GOLPH3L: variants seen among roughly 807,000 people sequenced by gnomAD.
GOLPH3L encodes Golgi phosphoprotein 3-like.
In GOLPH3L, 22 loss-of-function variants were observed where a neutral mutation model predicts 30.3. That is an observed-to-expected ratio of 0.73 (90% CI 0.52 to 1.04). The LOEUF (loss-of-function observed/expected upper bound fraction) is 1.04. Among genes scored for constraint, GOLPH3L ranks in the 50% least tolerant of loss-of-function variants. The pLI, the probability that GOLPH3L is intolerant of heterozygous loss-of-function variation, is 0.00. For synonymous variants in GOLPH3L, 120 were observed against 128.2 expected (o/e 0.94, Z 0.43); for missense variants, 303 against 345.8 (o/e 0.88, Z 0.98).
chr1:150,683,618 A>G (rs1651013366), intron 2 of GOLPH3L, among the ~76,000 whole-genome samples: 1 of 140,438 alleles, frequency 7.1e-6, no homozygotes, highest in African/African-American at 2.6e-5. Flanking sequence ...TACCAGAAGT[A>G]CTTGAACCCA....
At chr1:150,676,878 AG>A (rs1650792613) in intron 2 of GOLPH3L, among the ~76,000 whole-genome samples, 1 of 152,000 alleles carries the variant, frequency 6.6e-6, no homozygotes, top group Non-Finnish European at 1.5e-5. Context: ...TCCTGACCTC[AG>A]GTGATCCACC....
intron 2 of GOLPH3L, among the ~76,000 whole-genome samples, chr1:150,693,838 TATA>T (rs1651272095): frequency 1.1e-5 from 1 of 87,370 alleles, no homozygotes; most frequent in Non-Finnish European, 2.2e-5. Flanking sequence ...TATATATATA[TATA>T]TATATATTTT....
intron 2 of GOLPH3L, among the ~76,000 whole-genome samples, chr1:150,675,345 T>A (rs1014409306): frequency 4.0e-5 from 6 of 151,624 alleles, no homozygotes; most frequent in Non-Finnish European, 2.9e-5. Context: ...AACAAAAAAA[T>A]TCATAAAAAA....
At chr1:150,678,587 T>A (rs587647983) in intron 2 of GOLPH3L, among the ~76,000 whole-genome samples, 2 of 152,316 alleles carry the variant, frequency 1.3e-5, no homozygotes, top group African/African-American at 4.8e-5. Context: ...CAGAGAGAGC[T>A]GATGCTGGTT....
intron 2 of GOLPH3L, among the ~76,000 whole-genome samples, chr1:150,675,936 T>A (rs926346220): frequency 9.2e-5 from 14 of 151,568 alleles, no homozygotes; most frequent in African/African-American, 3.1e-4. Flanking sequence ...AATTTTTTTT[T>A]AACATTTTTG....
intron 2 of GOLPH3L, chr1:150,694,095 G>C (rs1651288281): frequency 2.4e-6 from 1 of 420,098 alleles, no homozygotes; most frequent in African/African-American, 2.1e-5. Context: ...CTGGCCTCAA[G>C]TGATTCACTC....
Position 150,648,378 on chromosome 1 carries a change from T to A in GOLPH3L, c.801A>T (p.Thr267=). Residue 267 remains threonine, a synonymous_variant, in exon 5 of 5, where the codon ACA becomes ACT. Coordinates refer to ENST00000271732, the MANE Select transcript of GOLPH3L (RefSeq NM_018178.6). ...LVELDPEVEG[T]KPSATEMIWA... ...AGATCATTTCTGTGGCACTAGGCTT[T>A]GTCCCTTCCACTTCAGGGTCCAGTT... is the stretch of plus-strand genomic sequence containing the variant. 1 of 1,614,038 alleles carries A rather than the reference T, an allele frequency of 6.2e-7. No homozygotes were observed. The highest frequency in any genetic ancestry group is 8.5e-7 in the Non-Finnish European group (1 of 1,179,908).
At chr1:150,670,178 C>T (rs918797263) in intron 2 of GOLPH3L, among the ~76,000 whole-genome samples, 2 of 152,010 alleles carry the variant, frequency 1.3e-5, no homozygotes, top group Non-Finnish European at 2.9e-5. Flanking sequence ...AGAAGAATTG[C>T]TTGAACCCCA....
At chr1:150,681,974 G>A (rs1386141954) in intron 2 of GOLPH3L, among the ~76,000 whole-genome samples, 3 of 151,978 alleles carry the variant, frequency 2.0e-5, no homozygotes, top group Non-Finnish European at 4.4e-5. Context: ...ACTGAGGCAT[G>A]AGAATTGCTT....
chr1:150,657,245 C>A (rs935586480), intron 4 of GOLPH3L, among the ~76,000 whole-genome samples: 2 of 152,192 alleles, frequency 1.3e-5, no homozygotes, highest in Non-Finnish European at 2.9e-5. Flanking sequence ...AACCTCTTCC[C>A]GGACATTTAA....
intron 2 of GOLPH3L, among the ~76,000 whole-genome samples, chr1:150,693,839 A>G (rs1363806832): frequency 1.0e-4 from 7 of 70,036 alleles, no homozygotes; most frequent in South Asian, 4.2e-4. Flanking sequence ...ATATATATAT[A>G]TATATATATT....
intron 4 of GOLPH3L, among the ~76,000 whole-genome samples, chr1:150,654,372 G>A (rs1650193018): frequency 6.6e-6 from 1 of 151,712 alleles, no homozygotes; most frequent in Non-Finnish European, 1.5e-5. Context: ...CTAGTGTGGT[G>A]GTGGGAGCCT....
At chr1:150,657,635 G>A (rs587702544) in intron 4 of GOLPH3L, among the ~76,000 whole-genome samples, 8 of 152,310 alleles carry the variant, frequency 5.3e-5, no homozygotes, top group African/African-American at 1.7e-4. Context: ...TTGTGGTGAT[G>A]AGCATTCCAG....
Position 150,648,696 on chromosome 1 carries a change from C to T in GOLPH3L, c.483G>A (p.Glu161=), listed in dbSNP as rs1405292486. 1.6e-5 allele frequency: 26 copies of T among 1,612,864 alleles called. No homozygotes were observed. Among genetic ancestry groups the T allele is most frequent in the Non-Finnish European group, 2.1e-5 (25 of 1,178,910 alleles). The change falls in exon 5 of 5, where the codon GAG becomes GAA. Residue 161 remains glutamate, a synonymous_variant. Coordinates refer to ENST00000271732, the MANE Select transcript of GOLPH3L (RefSeq NM_018178.6). Reference sequence around the variant, plus strand: ...TCTCTACTAGGTTCTTTGCGATGCGCTCTCGTACATTTCTCAGCTGGTACT... The same window carrying T: ...TCTCTACTAGGTTCTTTGCGATGCGTTCTCGTACATTTCTCAGCTGGTACT... ...KLQYQLRNVR[E]RIAKNLVEKG...
At chr1:150,690,593 A>G (rs1260159100) in intron 2 of GOLPH3L, among the ~76,000 whole-genome samples, 1 of 152,158 alleles carries the variant, frequency 6.6e-6, no homozygotes, top group Non-Finnish European at 1.5e-5. Context: ...CTGCCTGGTA[A>G]CAAAATCTAT....
chr1:150,688,229 T>C (rs1651136971), intron 2 of GOLPH3L, among the ~76,000 whole-genome samples: 1 of 152,254 alleles, frequency 6.6e-6, no homozygotes, highest in Admixed American at 6.5e-5. Flanking sequence ...GGATACACTG[T>C]ATTTCACAAT....
chr1:150,677,382 G>GGCTAAGTTTTTGTCACCGTGCTAAGT, intron 2 of GOLPH3L, among the ~76,000 whole-genome samples: 1 of 151,862 alleles, frequency 6.6e-6, no homozygotes, highest in African/African-American at 2.4e-5. Context: ...GATTACAGGC[G>GGCTAAGTTTTTGTCACCGTGCTAAGT]TATGTCACCG....
At chr1:150,659,006 G>A (rs1275434622) in intron 4 of GOLPH3L, among the ~76,000 whole-genome samples, 1 of 152,184 alleles carries the variant, frequency 6.6e-6, no homozygotes, top group Non-Finnish European at 1.5e-5. Flanking sequence ...GCCAGGAACT[G>A]GAGTGCTTGA....
At chr1:150,656,317 T>C (rs1015903768) in intron 4 of GOLPH3L, among the ~76,000 whole-genome samples, 14 of 152,130 alleles carry the variant, frequency 9.2e-5, no homozygotes, top group South Asian at 8.3e-4. Context: ...TAGGGATCAA[T>C]TGAAAACATT....
Sources: gnomAD v4.1 joint callset for allele counts (sites outside exome capture counted in the v4.1 genomes callset) on GRCh38, gnomAD v4.1.1 for gene constraint, MANE v1.5 for transcripts, NCBI Gene and HGNC (gene_info 2026-07-23, HGNC 2026-07-21) for gene names.